The following TMPRSS11A variants were observed in gnomAD, a reference collection of about 807,000 sequenced individuals.
TMPRSS11A encodes the protein transmembrane protease serine 11A.
Under a neutral mutation model 58.9 loss-of-function variants are expected in TMPRSS11A, and 53 were observed. That is an observed-to-expected ratio of 0.90 (90% CI 0.72 to 1.13). The LOEUF is 1.13. TMPRSS11A is among the 50% of genes most tolerant of loss of function. TMPRSS11A has a pLI of 0.00. For missense variants in TMPRSS11A, 493 were observed against 499.3 expected (o/e 0.99, Z 0.12); for synonymous variants, 167 against 169.8 (o/e 0.98, Z 0.13).
chr4:67,946,628 C>T, intron 1 of TMPRSS11A, 57 bp from the exon 2 acceptor site: 1 of 1,558,204 alleles, frequency 6.4e-7, no homozygotes, highest in Non-Finnish European at 8.7e-7. Flanking sequence ...GCAGGTTTTC[C>T]AGCTCTCCTT....
intron 1 of TMPRSS11A, among the ~76,000 whole-genome samples, chr4:67,949,799 C>T (rs1344239671): frequency 2.6e-5 from 4 of 152,082 alleles, no homozygotes; most frequent in Admixed American, 1.3e-4. Flanking sequence ...ATGGAGGTTG[C>T]AGTGAGCTGA....
chr4:67,934,684 A>C (rs1004503040), intron 3 of TMPRSS11A, among the ~76,000 whole-genome samples: 4 of 152,138 alleles, frequency 2.6e-5, no homozygotes, highest in African/African-American at 9.7e-5. Flanking sequence ...AAGTTCCAAG[A>C]GGGCAATTGA....
intron 1 of TMPRSS11A, among the ~76,000 whole-genome samples, chr4:67,949,945 T>C (rs953904225): frequency 1.2e-4 from 18 of 152,250 alleles, no homozygotes; most frequent in African/African-American, 4.1e-4. Flanking sequence ...GAAATACACT[T>C]GGTAAATCCT....
intron 5 of TMPRSS11A, among the ~76,000 whole-genome samples, chr4:67,927,176 A>T (rs1218301233): frequency 6.6e-6 from 1 of 152,158 alleles, no homozygotes; most frequent in Non-Finnish European, 1.5e-5. Flanking sequence ...AAATAGCAAG[A>T]CTGAAAGAGC....
intron 1 of TMPRSS11A, among the ~76,000 whole-genome samples, chr4:67,949,446 G>T (rs1721105191): frequency 6.6e-6 from 1 of 152,222 alleles, no homozygotes; most frequent in African/African-American, 2.4e-5. Flanking sequence ...GATGCGCACT[G>T]CCAGATTACA....
intron 6 of TMPRSS11A, 37 bp from the exon 7 acceptor site, chr4:67,922,963 T>C (rs1430560193): frequency 4.4e-6 from 7 of 1,603,810 alleles, no homozygotes; most frequent in Non-Finnish European, 6.0e-6. Flanking sequence ...ATAAGAAACA[T>C]CTTGTAATTA....
chr4:67,917,923 T>C (rs1720203616), intron 8 of TMPRSS11A, among the ~76,000 whole-genome samples: 2 of 152,210 alleles, frequency 1.3e-5, no homozygotes, highest in African/African-American at 4.8e-5. Context: ...GGTAATATTT[T>C]CTGTGATTGG....
At chr4:67,955,114 G>T (rs1186631239) in intron 1 of TMPRSS11A, among the ~76,000 whole-genome samples, 2 of 152,062 alleles carry the variant, frequency 1.3e-5, no homozygotes, top group East Asian at 3.9e-4. Flanking sequence ...CCCATAGGAG[G>T]GAGTTTAGAT....
intron 9 of TMPRSS11A, among the ~76,000 whole-genome samples, chr4:67,913,417 C>A (rs778255114): frequency 6.6e-6 from 1 of 152,128 alleles, no homozygotes; most frequent in East Asian, 1.9e-4. Flanking sequence ...GTACCTGAAC[C>A]GCTGCCCTGA....
At chr4:67,963,291 C>A in intron 1 of TMPRSS11A, 92 bp downstream of exon 1, 2 of 1,301,078 alleles carry the variant, frequency 1.5e-6, no homozygotes, top group East Asian at 2.4e-5. Flanking sequence ...CCACCAAAGA[C>A]ACCTCACTAG....
chr4:67,963,380 T>A lies in TMPRSS11A; in HGVS notation c.11+3A>T. 1 of 1,613,718 alleles carries A rather than the reference T, an allele frequency of 6.2e-7. No individual in the cohort carries two copies. Among genetic ancestry groups the A allele is most frequent in the East Asian group, 2.2e-5 (1 of 44,846 alleles). On this transcript the variant is annotated splice_donor_region_variant and intron_variant, in intron 1 of 9. Coordinates refer to ENST00000508048, the MANE Select transcript of TMPRSS11A (RefSeq NM_001114387.2). The stretch of plus-strand genomic sequence containing the variant: ...GCCATCTATAAAACAGAACTGAACT[T>A]ACCGATACATCATGTACAGGAGGAA...
chr4:67,953,033 CAGGCATTAGATTCTCATA>C (rs1217970406), intron 1 of TMPRSS11A, among the ~76,000 whole-genome samples: 1 of 152,154 alleles, frequency 6.6e-6, no homozygotes. Context: ...CTCAGATCAT[CAGGCATTAGATTCTCATA>C]AGGAGCATGT....
chr4:67,963,403 G>A lies in TMPRSS11A; in HGVS notation c.-10C>T. 6.2e-7 allele frequency: 1 copy of A among 1,613,606 alleles called. No individual in the cohort carries two copies. The highest frequency in any genetic ancestry group is 8.5e-7 in the Non-Finnish European group (1 of 1,179,770). ...CTTACCGATACATCATGTACAGGAGGAAGAATATGATCTTGCAGGTCTGCA... is the reference window on the plus strand; with the variant it reads ...CTTACCGATACATCATGTACAGGAGAAAGAATATGATCTTGCAGGTCTGCA... On this transcript the variant is annotated 5_prime_UTR_variant, in exon 1 of 10. Transcript: ENST00000508048.
chr4:67,914,864 G>A, intron 8 of TMPRSS11A, 134 bp from the exon 9 acceptor site: 3 of 653,388 alleles, frequency 4.6e-6, no homozygotes, highest in Non-Finnish European at 4.9e-6. Context: ...GCAGTTTCTA[G>A]AAAAAAGAAT....
In TMPRSS11A at chr4:67,910,224, T is replaced by C. The variant is rs1014179857; in HGVS notation, c.*1118A>G. 12 of 152,058 alleles carry C rather than the reference T, an allele frequency of 7.9e-5. No individual in the cohort carries two copies. The highest frequency in any genetic ancestry group is 1.5e-4 in the Non-Finnish European group (10 of 67,922). 9.4% of individuals were successfully genotyped at this position (152,058 alleles called of 1,614,324 possible). A position where few individuals can be genotyped will look rare whatever the true frequency, so the allele number is the denominator to read the frequency against. On this transcript the variant is annotated 3_prime_UTR_variant, in exon 10 of 10. Coordinates refer to ENST00000508048, the MANE Select transcript of TMPRSS11A (RefSeq NM_001114387.2). ...ACAAAGTGGTCCAAAAGAGAAAACA[T>C]ACTATATGTTATATGTTATAGCCCC...
chr4:67,934,230 G>A (rs1372129180), intron 3 of TMPRSS11A, among the ~76,000 whole-genome samples: 2 of 152,100 alleles, frequency 1.3e-5, no homozygotes, highest in Non-Finnish European at 2.9e-5. Flanking sequence ...TGAGAAATGG[G>A]GCAGAGGGAC....
intron 3 of TMPRSS11A, among the ~76,000 whole-genome samples, chr4:67,943,093 A>G (rs1190821287): frequency 2.0e-5 from 3 of 152,144 alleles, no homozygotes; most frequent in African/African-American, 4.8e-5. Flanking sequence ...AAATAATGAC[A>G]ACCAGAGAAG....
At chr4:67,944,678 CA>C (rs1377042682) in intron 2 of TMPRSS11A, 41 bp from the exon 3 acceptor site, 8 of 1,578,300 alleles carry the variant, frequency 5.1e-6, no homozygotes. Flanking sequence ...ATGGTTTGGA[CA>C]AAGATTTCAG....
chr4:67,943,171 A>G (rs1720919658), intron 3 of TMPRSS11A, among the ~76,000 whole-genome samples: 1 of 152,178 alleles, frequency 6.6e-6, no homozygotes, highest in South Asian at 2.1e-4. Flanking sequence ...GAAGGAACAC[A>G]TGCTTAGGTG....
Sources: allele counts gnomAD v4.1 joint callset (sites outside exome capture counted in the v4.1 genomes callset), GRCh38; gene constraint gnomAD v4.1.1; transcripts MANE v1.5; gene names NCBI Gene and HGNC (gene_info 2026-07-23, HGNC 2026-07-21).